DMXL1: variants seen among roughly 807,000 people sequenced by gnomAD.
DMXL1 encodes the protein Dmx like 1.
Under a neutral mutation model 319.2 loss-of-function variants are expected in DMXL1, and 99 were observed. The observed-to-expected ratio is 0.31, with a 90% CI of 0.26 to 0.37. The LOEUF (loss-of-function observed/expected upper bound fraction) is 0.37, where lower values mean the gene tolerates loss of function less well. Among genes scored for constraint, DMXL1 ranks in the 10% least tolerant of loss-of-function variants. The pLI, the probability that DMXL1 is intolerant of heterozygous loss-of-function variation, is 1.00. For synonymous variants in DMXL1, 1,385 were observed against 1,235.2 expected (o/e 1.12, Z -2.54); for missense variants, 3,745 against 3,595.6 (o/e 1.04, Z -1.06).
chr5:119,198,546 T>C (rs1447120704), intron 32 of DMXL1, among the ~76,000 whole-genome samples: 1 of 152,172 alleles, frequency 6.6e-6, no homozygotes, highest in Non-Finnish European at 1.5e-5. Context: ...GGAAAGTTTA[T>C]AGCACTAAAC....
Position 119,084,980 on chromosome 5 carries a change from T to C in DMXL1, c.88-12999T>C, listed in dbSNP as rs149098873. Among the ~76,000 whole-genome samples the C allele has an allele frequency of 2.2e-3, 332 of 152,292 alleles. 3 individuals carry two copies. Among genetic ancestry groups the C allele is most frequent in the African/African-American group, 7.6e-3 (317 of 41,558 alleles). ...TCCATTTTTTGTGTGTCTGCATCAA[T>C]TTCTTTCATCAGAGTTTTATAGTTT... On this transcript the variant is annotated intron_variant, in intron 1 of 43. Coordinates refer to ENST00000539542, the MANE Select transcript of DMXL1 (RefSeq NM_001290321.3).
chr5:119,123,637 C>T (rs1008844996), intron 9 of DMXL1, among the ~76,000 whole-genome samples: 21 of 151,796 alleles, frequency 1.4e-4, no homozygotes, highest in Non-Finnish European at 2.6e-4. Flanking sequence ...AAGGTTAGTA[C>T]TACAGATATA....
chr5:119,175,896 A>T (rs890177268), intron 26 of DMXL1, among the ~76,000 whole-genome samples: 1 of 152,010 alleles, frequency 6.6e-6, no homozygotes, highest in African/African-American at 2.4e-5. Context: ...GGGTCTTTCT[A>T]TATCTATCTT....
At chr5:119,162,482 G>A (rs1156690778) in intron 19 of DMXL1, among the ~76,000 whole-genome samples, 1 of 152,162 alleles carries the variant, frequency 6.6e-6, no homozygotes, top group Non-Finnish European at 1.5e-5. Context: ...CTCCATAGTT[G>A]ACACCTTCTT....
At position 119,160,953 on chromosome 5, in the gene DMXL1, G is replaced by A. The variant is rs116926912; in HGVS notation, c.4703-3554G>A. On this transcript the variant is annotated intron_variant, in intron 19 of 43. Coordinates refer to ENST00000539542, the MANE Select transcript of DMXL1 (RefSeq NM_001290321.3). ...TTTAAGTGGATTATTCCAAATATTC[G>A]TCAGTCATTTCATAGATCTGTTTCC... 2.1e-3 allele frequency among the ~76,000 whole-genome samples: 313 copies of A among 152,036 alleles called. 2 individuals carry two copies. In the East Asian group the frequency reaches 0.028, roughly 14 times the overall value.
chr5:119,143,988 C>T (rs949865997), intron 14 of DMXL1, 58 bp downstream of exon 14: 1 of 1,107,812 alleles, frequency 9.0e-7, no homozygotes, highest in Non-Finnish European at 1.3e-6. Flanking sequence ...AAGCATTTTG[C>T]ATAAAATCTA....
chr5:119,133,863 T>A lies in DMXL1; in HGVS notation c.1939T>A (p.Ser647Thr), dbSNP rs1765442215. 2 of 1,614,072 alleles carry A rather than the reference T, an allele frequency of 1.2e-6. No homozygotes were observed. Among genetic ancestry groups the A allele is most frequent in the South Asian group, 2.2e-5 (2 of 91,094 alleles). The change falls in exon 12 of 44, where the codon TCA becomes ACA. Residue 647 changes from serine (S) to threonine (T), a missense_variant. Transcript: ENST00000539542. ...TCATCTTAATGATTTAGCTTGCCAC[T>A]CAGTATTACCATTATTGCTGACAAC... ...RFHLNDLACH[S>T]VLPLLLTTSH...
At chr5:119,107,600 T>A (rs1177305486) in intron 4 of DMXL1, among the ~76,000 whole-genome samples, 1 of 152,224 alleles carries the variant, frequency 6.6e-6, no homozygotes, top group African/African-American at 2.4e-5. Context: ...ATATTATATC[T>A]TACCTACTTT....
At chr5:119,230,083 A>T (rs986521888) in intron 38 of DMXL1, among the ~76,000 whole-genome samples, 1 of 152,180 alleles carries the variant, frequency 6.6e-6, no homozygotes, top group African/African-American at 2.4e-5. Context: ...GGATTTGGAA[A>T]ACTGTTTTGA....
chr5:119,200,422 C>T (rs1780485580), intron 32 of DMXL1, among the ~76,000 whole-genome samples: 1 of 152,152 alleles, frequency 6.6e-6, no homozygotes, highest in African/African-American at 2.4e-5. Flanking sequence ...TATTCTGTTC[C>T]AGTGGTCAAT....
chr5:119,132,191 T>C (rs560111893), intron 10 of DMXL1, among the ~76,000 whole-genome samples: 1 of 152,158 alleles, frequency 6.6e-6, no homozygotes, highest in African/African-American at 2.4e-5. Flanking sequence ...AAGAAAAGGC[T>C]CTACACTAGA....
chr5:119,072,183 GA>G (rs1284245275), intron 1 of DMXL1, among the ~76,000 whole-genome samples: 1 of 151,508 alleles, frequency 6.6e-6, no homozygotes, highest in African/African-American at 2.4e-5. Flanking sequence ...AATAACTTCG[GA>G]AAGAAAAAAA....
chr5:119,110,036 T>A (rs1200995325), intron 4 of DMXL1, 115 bp from the exon 5 acceptor site: 4 of 869,214 alleles, frequency 4.6e-6, no homozygotes, highest in Non-Finnish European at 6.8e-6. Context: ...TTCTTCAAAA[T>A]TTTTTTTGAT....
intron 38 of DMXL1, among the ~76,000 whole-genome samples, chr5:119,229,255 A>G (rs1285069123): frequency 6.6e-6 from 1 of 152,126 alleles, no homozygotes; most frequent in African/African-American, 2.4e-5. Flanking sequence ...CTAGGTAATC[A>G]AAGACCTAAA....
chr5:119,109,826 C>G (rs1442050098), intron 4 of DMXL1, among the ~76,000 whole-genome samples: 1 of 152,168 alleles, frequency 6.6e-6, no homozygotes, highest in Non-Finnish European at 1.5e-5. Flanking sequence ...CACATGGTAT[C>G]ATATTTCCAT....
intron 33 of DMXL1, among the ~76,000 whole-genome samples, chr5:119,206,288 C>G (rs145042594): frequency 2.4e-4 from 37 of 152,038 alleles, no homozygotes; most frequent in African/African-American, 8.7e-4. Flanking sequence ...TGGAACAACT[C>G]TTTCTTTAAC....
chr5:119,233,569 A>C (rs1307786659), intron 39 of DMXL1, 102 bp downstream of exon 39: 1 of 880,480 alleles, frequency 1.1e-6, no homozygotes, highest in Non-Finnish European at 1.8e-6. Context: ...GGGTAGTAGT[A>C]AAGTATTGAT....
intron 19 of DMXL1, among the ~76,000 whole-genome samples, chr5:119,156,447 G>A (rs567498810): frequency 6.6e-6 from 1 of 152,182 alleles, no homozygotes. Context: ...CGAACCCATG[G>A]TATCTCCAAG....
At chr5:119,102,624 T>G (rs148666187) in intron 3 of DMXL1, among the ~76,000 whole-genome samples, 7 of 152,218 alleles carry the variant, frequency 4.6e-5, no homozygotes, top group African/African-American at 1.7e-4. Context: ...GAAACCAGCC[T>G]GGGCAAGATT....
Sources: gnomAD v4.1 joint callset for allele counts (sites outside exome capture counted in the v4.1 genomes callset) on GRCh38, gnomAD v4.1.1 for gene constraint, MANE v1.5 for transcripts, NCBI Gene and HGNC (gene_info 2026-07-23, HGNC 2026-07-21) for gene names.